Variants in FABP12 observed in about 807,000 individuals in gnomAD.
FABP12 encodes fatty acid binding protein 12.
FABP12 carries 19 observed loss-of-function variants against 13.7 expected under a neutral mutation model. The observed-to-expected ratio is 1.39, with a 90% confidence interval of 0.97 to 2.04. FABP12 has a LOEUF of 2.04. FABP12 is among the 30% of genes most tolerant of loss of function. The pLI, the probability that FABP12 is intolerant of heterozygous loss-of-function variation, is 0.00. For synonymous variants in FABP12, 61 were observed against 57.0 expected (o/e 1.07, Z -0.32); for missense variants, 182 against 164.2 (o/e 1.11, Z -0.59).
chr8:81,553,532 T>C (rs1046809711), intron 1 of FABP12, among the ~76,000 whole-genome samples: 7 of 152,168 alleles, frequency 4.6e-5, no homozygotes, highest in Non-Finnish European at 8.8e-5. Context: ...CAGAGCAGAA[T>C]TATCAAATTC....
chr8:81,558,957 T>TACTAGTG (rs1809669935), intron 1 of FABP12, among the ~76,000 whole-genome samples: 1 of 146,848 alleles, frequency 6.8e-6, no homozygotes, highest in East Asian at 2.1e-4. Context: ...AAGGAGGACC[T>TACTAGTG]ACTAGTGACA....
At chr8:81,570,572 G>A (rs569450849) in intron 1 of FABP12, among the ~76,000 whole-genome samples, 1 of 152,188 alleles carries the variant, frequency 6.6e-6, no homozygotes, top group South Asian at 2.1e-4. Flanking sequence ...CAAGTTTTCA[G>A]TTCTCAGCAG....
chr8:81,578,838 T>TTTTTTTTTTTTTTTTTTTTTTTTTA (rs1563558516), intron 1 of FABP12, among the ~76,000 whole-genome samples: 7 of 144,244 alleles, frequency 4.9e-5, no homozygotes, highest in African/African-American at 1.8e-4. Flanking sequence ...TTTTTTTTTT[T>TTTTTTTTTTTTTTTTTTTTTTTTTA]TTTTGAGAAG....
At chr8:81,587,100 T>C (rs1309444154) in intron 1 of FABP12, among the ~76,000 whole-genome samples, 2 of 152,164 alleles carry the variant, frequency 1.3e-5, no homozygotes, top group East Asian at 3.9e-4. Flanking sequence ...ATCAGATGGT[T>C]GTAGGTGTGC....
chr8:81,560,768 C>T (rs950922050), intron 1 of FABP12, among the ~76,000 whole-genome samples: 1 of 152,092 alleles, frequency 6.6e-6, no homozygotes. Context: ...GATTGAGTTC[C>T]CCCAGGAGCA....
intron 1 of FABP12, among the ~76,000 whole-genome samples, chr8:81,589,347 A>G (rs1439734447): frequency 6.6e-6 from 1 of 152,190 alleles, no homozygotes; most frequent in Non-Finnish European, 1.5e-5. Context: ...GCTTGAGCCT[A>G]GGAGTTTGAG....
intron 1 of FABP12, among the ~76,000 whole-genome samples, chr8:81,565,526 G>A (rs907089449): frequency 6.6e-5 from 10 of 151,820 alleles, no homozygotes; most frequent in African/African-American, 2.4e-4. Context: ...AGAGGAATTT[G>A]GGGAACTATA....
At chr8:81,531,179 C>A in intron 2 of FABP12, 64 bp downstream of exon 2, 4 of 1,058,374 alleles carry the variant, frequency 3.8e-6, no homozygotes, top group Non-Finnish European at 5.7e-6. Flanking sequence ...TTATACAGAG[C>A]AAGTTCTGTG....
chr8:81,578,123 A>G (rs1336618730), intron 1 of FABP12, among the ~76,000 whole-genome samples: 1 of 152,240 alleles, frequency 6.6e-6, no homozygotes, highest in Non-Finnish European at 1.5e-5. Flanking sequence ...GCCTCGTTTA[A>G]TATAGGTGCA....
intron 1 of FABP12, among the ~76,000 whole-genome samples, chr8:81,546,873 C>T (rs1040803938): frequency 1.1e-4 from 17 of 152,094 alleles, no homozygotes; most frequent in African/African-American, 3.6e-4. Context: ...TGTCTTCACA[C>T]GCCCACCTCA....
At chr8:81,565,286 G>GA (rs1724499768) in intron 1 of FABP12, among the ~76,000 whole-genome samples, 1 of 152,084 alleles carries the variant, frequency 6.6e-6, no homozygotes, top group Admixed American at 6.5e-5. Flanking sequence ...TATCCAGACA[G>GA]AAAAATCAGC....
At chr8:81,563,320 G>C in intron 1 of FABP12, among the ~76,000 whole-genome samples, 1 of 152,242 alleles carries the variant, frequency 6.6e-6, no homozygotes, top group Non-Finnish European at 1.5e-5. Context: ...AGAAGGATGG[G>C]TACAAACAAG....
Position 81,578,087 on chromosome 8 carries a change from A to C in FABP12, c.-185+11966T>G, listed in dbSNP as rs552097083. On this transcript the variant is annotated intron_variant, in intron 1 of 5. Transcript: ENST00000692030. ...GAAGCATCAGGTTAAACACCAGTGAACTTTTTAACCACAGGACTTTACACA... is the reference window on the plus strand; with the variant it reads ...GAAGCATCAGGTTAAACACCAGTGACCTTTTTAACCACAGGACTTTACACA... Among the ~76,000 whole-genome samples the C allele has an allele frequency of 7.9e-5, 12 of 152,338 alleles. No homozygotes were observed. The South Asian group carries it at 2.5e-3, about 32-fold the overall frequency.
intron 1 of FABP12, among the ~76,000 whole-genome samples, chr8:81,566,230 C>T (rs1333584923): frequency 6.6e-6 from 1 of 151,958 alleles, no homozygotes; most frequent in East Asian, 1.9e-4. Context: ...GTGAATTCTA[C>T]CAAACATTTA....
exon 4 of FABP12, chr8:81,527,092 C>T (rs1403833730): frequency 6.2e-7 from 1 of 1,610,498 alleles, no homozygotes; most frequent in Admixed American, 1.7e-5. Flanking sequence ...GAACTTGAAT[C>T]AGGGACTCCT....
At chr8:81,552,762 A>G (rs1014104007) in intron 1 of FABP12, among the ~76,000 whole-genome samples, 3 of 152,168 alleles carry the variant, frequency 2.0e-5, no homozygotes, top group African/African-American at 7.2e-5. Context: ...AAGATGATGA[A>G]TATTTGAAGA....
intron 1 of FABP12, among the ~76,000 whole-genome samples, chr8:81,564,166 CA>C (rs1264337148): frequency 1.3e-5 from 2 of 151,554 alleles, no homozygotes; most frequent in Admixed American, 1.3e-4. Flanking sequence ...GAAAAAAAAA[CA>C]AATACATCCA....
chr8:81,532,703 C>A (rs573525566), intron 1 of FABP12, among the ~76,000 whole-genome samples: 45 of 152,330 alleles, frequency 3.0e-4, no homozygotes, highest in Admixed American at 8.5e-4. Flanking sequence ...CACCTGTAGT[C>A]CCAGCTACTC....
intron 1 of FABP12, among the ~76,000 whole-genome samples, chr8:81,566,512 CAT>C (rs999392762): frequency 1.3e-5 from 2 of 152,024 alleles, no homozygotes; most frequent in African/African-American, 4.8e-5. Flanking sequence ...AATGGCTCAA[CAT>C]ATGCAAATCA....
Sources: allele counts gnomAD v4.1 joint callset (sites outside exome capture counted in the v4.1 genomes callset), GRCh38; gene constraint gnomAD v4.1.1; transcripts MANE v1.5; gene names NCBI Gene and HGNC (gene_info 2026-07-23, HGNC 2026-07-21).